Variants in ENTPD3 observed in about 807,000 individuals in gnomAD.
ENTPD3 encodes the protein ectonucleoside triphosphate diphosphohydrolase 3.
In ENTPD3, 60 loss-of-function variants were observed where a neutral mutation model predicts 51.2. That is an observed-to-expected ratio of 1.17 (90% CI 0.95 to 1.45). The LOEUF (loss-of-function observed/expected upper bound fraction) is 1.45. ENTPD3 is among the 40% of genes most tolerant of loss of function. ENTPD3 has a pLI of 0.00. For synonymous variants in ENTPD3, 221 were observed against 238.4 expected (o/e 0.93, Z 0.67); for missense variants, 593 against 641.1 (o/e 0.93, Z 0.81).
chr3:40,408,286 G>C (rs890868599), intron 4 of ENTPD3, among the ~76,000 whole-genome samples: 1 of 152,004 alleles, frequency 6.6e-6, no homozygotes, highest in African/African-American at 2.4e-5. Context: ...TTTTTTCTTA[G>C]GTATCATGGT....
Position 40,427,592 on chromosome 3 carries a change from T to C in ENTPD3, c.*84T>C. 1 of 1,017,930 alleles carries C rather than the reference T, an allele frequency of 9.8e-7. No homozygotes were observed. The highest frequency in any genetic ancestry group is 1.5e-6 in the Non-Finnish European group (1 of 655,142). 63.1% of individuals were successfully genotyped at this position (1,017,930 alleles called of 1,614,324 possible). On this transcript the variant is annotated 3_prime_UTR_variant, in exon 11 of 11. Transcript: ENST00000301825. ...GGCAATGCAGGTGAAGTGGCTGCCT[T>C]CAGGAAATACAACTAACTAAAATCA...
At chr3:40,400,695 C>T (rs1955333018) in intron 3 of ENTPD3, among the ~76,000 whole-genome samples, 199 bp from the exon 4 acceptor site, 1 of 152,096 alleles carries the variant, frequency 6.6e-6, no homozygotes, top group Non-Finnish European at 1.5e-5. Context: ...CTAGAACCTG[C>T]CCTACCTTTC....
intron 7 of ENTPD3, among the ~76,000 whole-genome samples, chr3:40,421,678 C>A (rs1184985855): frequency 6.6e-6 from 1 of 151,890 alleles, no homozygotes; most frequent in African/African-American, 2.4e-5. Context: ...TACTATGCAG[C>A]TACTAAAAAA....
chr3:40,420,680 C>G (rs1385610149), intron 7 of ENTPD3, among the ~76,000 whole-genome samples: 2 of 152,042 alleles, frequency 1.3e-5, no homozygotes, highest in African/African-American at 4.8e-5. Context: ...CCTTCTCAGT[C>G]ATATGAAGAT....
chr3:40,409,065 C>G (rs1955568303), intron 4 of ENTPD3, among the ~76,000 whole-genome samples: 1 of 151,996 alleles, frequency 6.6e-6, no homozygotes, highest in South Asian at 2.1e-4. Context: ...CCAGCCTGGC[C>G]AACATGGTGA....
chr3:40,427,744 C>T lies in ENTPD3; in HGVS notation c.*236C>T, dbSNP rs112264303. On this transcript the variant is annotated 3_prime_UTR_variant, in exon 11 of 11. Coordinates refer to ENST00000301825, the MANE Select transcript of ENTPD3 (RefSeq NM_001248.4). ...ACCCACATGCTGATCTATTGGGGAA[C>T]AGAGAAGAGACAGGCCACGAAGGTC... 2,474 of 545,764 alleles carry T rather than the reference C, an allele frequency of 4.5e-3. 54 individuals are homozygous for T. Among genetic ancestry groups the T allele is most frequent in the African/African-American group, 0.042 (2,212 of 52,922 alleles). 33.8% of individuals were successfully genotyped at this position (545,764 alleles called of 1,614,324 possible). A position where few individuals can be genotyped will look rare whatever the true frequency, so the allele number is the denominator to read the frequency against.
intron 10 of ENTPD3, 67 bp from the exon 11 acceptor site, chr3:40,427,205 G>T: frequency 7.8e-7 from 1 of 1,284,130 alleles, no homozygotes; most frequent in South Asian, 1.2e-5. Context: ...ATAGCAGTAT[G>T]ACTCCGGTAT....
At chr3:40,416,104 T>C in intron 7 of ENTPD3, 31 bp downstream of exon 7, 1 of 1,559,092 alleles carries the variant, frequency 6.4e-7, no homozygotes, top group Non-Finnish European at 8.8e-7. Context: ...GGGTGGCAGG[T>C]GTTCTCTTGA....
At chr3:40,387,973 C>T in intron 1 of ENTPD3, 73 bp from the exon 2 acceptor site, 1 of 1,294,002 alleles carries the variant, frequency 7.7e-7, no homozygotes, top group Non-Finnish European at 1.1e-6. Flanking sequence ...TTTGTCTTAA[C>T]CTGGGCTCGT....
chr3:40,427,756 A>G lies in ENTPD3; in HGVS notation c.*248A>G, dbSNP rs367943826. On this transcript the variant is annotated 3_prime_UTR_variant, in exon 11 of 11. Transcript: ENST00000301825. ...ATCTATTGGGGAACAGAGAAGAGAC[A>G]GGCCACGAAGGTCAGGCTCTTTATA... The G allele has an allele frequency of 7.6e-6, 4 of 529,212 alleles. No individual in the cohort carries two copies. Among genetic ancestry groups the G allele is most frequent in the South Asian group, 6.7e-5 (3 of 44,852 alleles). The allele number at this position is 529,212 out of a possible 1,614,324, so 32.8% of individuals were successfully genotyped here.
In ENTPD3 at chr3:40,427,383, G is replaced by A; in HGVS notation, c.1465G>A (p.Gly489Ser). The stretch of plus-strand genomic sequence containing the variant: ...GCCCATAGAACCACCTGTCTTTGTG[G>A]GCACCCTCGCTTTCTTCACAGCGGC... ...RLPIEPPVFV[G>S]TLAFFTAAAL... is the part of the protein sequence containing the mutation. The change falls in exon 11 of 11, where the codon GGC (glycine) becomes AGC (serine). Residue 489 changes from glycine to serine, a missense_variant. Coordinates refer to ENST00000301825, the MANE Select transcript of ENTPD3 (RefSeq NM_001248.4). 6.2e-7 allele frequency: 1 copy of A among 1,613,990 alleles called. No individual in the cohort carries two copies. The highest frequency in any genetic ancestry group is 8.5e-7 in the Non-Finnish European group (1 of 1,180,034).
intron 3 of ENTPD3, chr3:40,394,336 A>G (rs1478891520): frequency 3.0e-6 from 1 of 330,154 alleles, no homozygotes; most frequent in South Asian, 2.3e-5. Flanking sequence ...TGACCAGGCT[A>G]GTCTTGAACT....
intron 7 of ENTPD3, among the ~76,000 whole-genome samples, chr3:40,419,946 C>A (rs1434725846): frequency 2.6e-5 from 4 of 152,140 alleles, no homozygotes; most frequent in Admixed American, 2.0e-4. Flanking sequence ...AATGCCTGAA[C>A]TTGGCACATT....
rs1014582000 is a variant in ENTPD3, at chr3:40,424,049, G to C, written c.1353+86G>C. 3 of 1,585,514 alleles carry C rather than the reference G, an allele frequency of 1.9e-6. No homozygotes were observed. The African/African-American group carries it at 4.0e-5, about 21-fold the overall frequency. ...GTGGAACAAATGTAGAAGGTAAAAG[G>C]GTATTAATGAGTTAAACTCACTGGG... On this transcript the variant is annotated intron_variant, in intron 10 of 10. Transcript: ENST00000301825.
chr3:40,395,345 A>G (rs1298688830), intron 3 of ENTPD3, among the ~76,000 whole-genome samples: 1 of 152,196 alleles, frequency 6.6e-6, no homozygotes, highest in Non-Finnish European at 1.5e-5. Flanking sequence ...ATAAAAATAG[A>G]TCCCTGGGCA....
At position 40,411,967 on chromosome 3, in the gene ENTPD3, A is replaced by G. The variant is rs756799377; in HGVS notation, c.437+5A>G. ...GGCTGGGATGCGCTTGCTGAGGTAA[A>G]GGCTAAGTGGCACAAAGGAGCCCAT... is the stretch of plus-strand genomic sequence containing the variant. On this transcript the variant is annotated splice_donor_5th_base_variant and intron_variant, in intron 5 of 10. Coordinates refer to ENST00000301825, the MANE Select transcript of ENTPD3 (RefSeq NM_001248.4). 2 of 1,607,576 alleles carry G rather than the reference A, an allele frequency of 1.2e-6. No homozygotes were observed. The highest frequency in any genetic ancestry group is 2.2e-5 in the South Asian group (2 of 89,330).
intron 4 of ENTPD3, among the ~76,000 whole-genome samples, chr3:40,407,416 G>A (rs1422418534): frequency 6.6e-6 from 1 of 151,922 alleles, no homozygotes; most frequent in Non-Finnish European, 1.5e-5. Context: ...ATGAAATGCT[G>A]TTCTTCATTT....
chr3:40,422,508 T>A, intron 7 of ENTPD3, among the ~76,000 whole-genome samples: 2 of 99,378 alleles, frequency 2.0e-5, no homozygotes, highest in South Asian at 4.1e-4. Flanking sequence ...CCTTCCCCCC[T>A]CCCCCCACCC....
intron 3 of ENTPD3, among the ~76,000 whole-genome samples, chr3:40,392,996 A>C (rs931885553): frequency 6.6e-6 from 1 of 151,902 alleles, no homozygotes; most frequent in African/African-American, 2.4e-5. Context: ...CGGCAAAAAA[A>C]AAAAAAAAAT....
Sources: allele counts gnomAD v4.1 joint callset (sites outside exome capture counted in the v4.1 genomes callset), GRCh38; gene constraint gnomAD v4.1.1; transcripts MANE v1.5; gene names NCBI Gene and HGNC (gene_info 2026-07-23, HGNC 2026-07-21).